XKR9: variants seen among roughly 807,000 people sequenced by gnomAD.
The protein encoded by XKR9 is XK related 9.
XKR9 carries 32 observed loss-of-function variants against 32.0 expected under a neutral mutation model. That is an observed-to-expected ratio of 1.00 (90% CI 0.76 to 1.34). XKR9 has a LOEUF of 1.34. Ranked by LOEUF, XKR9 falls within the 40% of genes most tolerant of loss-of-function variation. The probability of loss-of-function intolerance (pLI) is 0.00; values close to 1 mark genes in which losing one functional copy is unlikely to be tolerated. For synonymous variants in XKR9, 168 were observed against 143.4 expected (o/e 1.17, Z -1.22); for missense variants, 546 against 429.7 (o/e 1.27, Z -2.39).
chr8:70,965,153 T>C, the XKR9 span, among the ~76,000 whole-genome samples: 26 of 152,322 alleles, frequency 1.7e-4, no homozygotes, highest in Admixed American at 7.2e-4. Context: ...GTTTTTAACA[T>C]GAAGGGTTGT....
chr8:70,893,898 C>T, the XKR9 span, among the ~76,000 whole-genome samples: 12 of 151,912 alleles, frequency 7.9e-5, no homozygotes, highest in Non-Finnish European at 1.8e-4. Context: ...TATTGTGGCA[C>T]CTGGTTCTTG....
At chr8:70,736,603 C>G (rs557103320), downstream of XKR9, among the ~76,000 whole-genome samples, 2 of 152,140 alleles carry the variant, frequency 1.3e-5, no homozygotes, top group East Asian at 3.9e-4. Flanking sequence ...GGTTTTAGGT[C>G]TAACATTTAA....
the XKR9 span, among the ~76,000 whole-genome samples, chr8:70,916,868 C>CTT: frequency 4.9e-5 from 7 of 142,154 alleles, no homozygotes; most frequent in Non-Finnish European, 6.2e-5. Context: ...TGTGAAAAAG[C>CTT]TTTTTTTTTT....
At chr8:70,669,968 C>G (rs983176106) in intron 1 of XKR9, among the ~76,000 whole-genome samples, 2 of 152,132 alleles carry the variant, frequency 1.3e-5, no homozygotes, top group African/African-American at 4.8e-5. Flanking sequence ...GCCGGGCCAG[C>G]CTGTTCATCT....
chr8:71,017,919 A>AT, the XKR9 span, among the ~76,000 whole-genome samples: 2 of 152,212 alleles, frequency 1.3e-5, no homozygotes, highest in Non-Finnish European at 2.9e-5. Flanking sequence ...GGGTGGATGC[A>AT]TGTTTATGAT....
intron 2 of XKR9, among the ~76,000 whole-genome samples, chr8:70,742,634 A>G (rs1807004119): frequency 6.6e-6 from 1 of 151,768 alleles, no homozygotes; most frequent in African/African-American, 2.4e-5. Flanking sequence ...ATCTTTATTT[A>G]TCTTTCATTC....
At chr8:70,959,118 T>C in the XKR9 span, among the ~76,000 whole-genome samples, 1 of 152,158 alleles carries the variant, frequency 6.6e-6, no homozygotes, top group Admixed American at 6.5e-5. Flanking sequence ...CAAAGACTTG[T>C]AATCTTCCTA....
the XKR9 span, among the ~76,000 whole-genome samples, chr8:70,869,734 AG>A: frequency 2.4e-4 from 36 of 152,324 alleles, no homozygotes; most frequent in African/African-American, 8.7e-4. Flanking sequence ...AAGACTGATC[AG>A]TTTTGCATAT....
At chr8:70,928,535 T>C in the XKR9 span, among the ~76,000 whole-genome samples, 1 of 152,188 alleles carries the variant, frequency 6.6e-6, no homozygotes, top group Non-Finnish European at 1.5e-5. Context: ...GTGACATTGA[T>C]CAAAATTTTA....
At chr8:70,876,113 A>T in the XKR9 span, among the ~76,000 whole-genome samples, 2 of 151,994 alleles carry the variant, frequency 1.3e-5, no homozygotes, top group South Asian at 4.1e-4. Context: ...TATCAGAACT[A>T]TTTTTACTGC....
At chr8:70,929,368 T>C in the XKR9 span, among the ~76,000 whole-genome samples, 1 of 152,226 alleles carries the variant, frequency 6.6e-6, no homozygotes, top group Non-Finnish European at 1.5e-5. Flanking sequence ...AAATTTCCAG[T>C]GTGGCATTGT....
At chr8:70,695,691 T>C (rs868858583) in intron 3 of XKR9, among the ~76,000 whole-genome samples, 128 of 151,938 alleles carry the variant, frequency 8.4e-4, no homozygotes, top group African/African-American at 2.1e-3. Context: ...GGGTATATAC[T>C]CAGTAATGGG....
At chr8:71,054,308 C>T in the XKR9 span, among the ~76,000 whole-genome samples, 1 of 152,168 alleles carries the variant, frequency 6.6e-6, no homozygotes, top group African/African-American at 2.4e-5. Context: ...GCTGTATTTT[C>T]ACCTATTTTG....
At chr8:70,692,511 A>G (rs1193971909) in intron 3 of XKR9, among the ~76,000 whole-genome samples, 1 of 152,090 alleles carries the variant, frequency 6.6e-6, no homozygotes, top group Admixed American at 6.5e-5. Context: ...TTCAAGGGGA[A>G]TGCTTCCAGC....
At chr8:70,867,435 C>A in the XKR9 span, among the ~76,000 whole-genome samples, 1 of 152,032 alleles carries the variant, frequency 6.6e-6, no homozygotes, top group Admixed American at 6.6e-5. Flanking sequence ...CCAATAGTAC[C>A]CCAAAGTCTT....
the XKR9 span, among the ~76,000 whole-genome samples, chr8:70,997,533 T>C: frequency 6.6e-6 from 1 of 151,380 alleles, no homozygotes; most frequent in Admixed American, 6.6e-5. Flanking sequence ...AAACATTGTA[T>C]GTTCTCACTC....
intron 3 of XKR9, among the ~76,000 whole-genome samples, chr8:70,692,399 G>C (rs1327360026): frequency 1.5e-5 from 2 of 133,680 alleles, no homozygotes; most frequent in Non-Finnish European, 3.5e-5. Context: ...GTATTTGGAT[G>C]CCCTTTGTTT....
downstream of XKR9, among the ~76,000 whole-genome samples, chr8:70,792,071 A>G (rs1459744466): frequency 2.0e-5 from 3 of 152,076 alleles, no homozygotes; most frequent in African/African-American, 7.2e-5. Context: ...CAGTTATTCG[A>G]TCTTCAGTGT....
the XKR9 span, among the ~76,000 whole-genome samples, chr8:70,977,502 C>T: frequency 6.6e-6 from 1 of 152,138 alleles, no homozygotes; most frequent in East Asian, 1.9e-4. Context: ...ACCCAGCAGT[C>T]ATTCAGGAAC....
Sources: gnomAD v4.1 joint callset for allele counts (sites outside exome capture counted in the v4.1 genomes callset) on GRCh38, gnomAD v4.1.1 for gene constraint, MANE v1.5 for transcripts, NCBI Gene and HGNC (gene_info 2026-07-23, HGNC 2026-07-21) for gene names.